MYO3B: variants seen among roughly 807,000 people sequenced by gnomAD.
The protein encoded by MYO3B is myosin IIIB, also known as myosin-IIIb.
MYO3B carries 156 observed loss-of-function variants against 174.6 expected under a neutral mutation model. The observed-to-expected ratio is 0.89, with a 90% CI of 0.78 to 1.02. The LOEUF is 1.02. Among genes scored for constraint, MYO3B ranks in the 50% least tolerant of loss-of-function variants. The probability of loss-of-function intolerance (pLI) is 0.00; values close to 1 mark genes in which losing one functional copy is unlikely to be tolerated. For missense variants in MYO3B, 1,632 were observed against 1,639.4 expected (o/e 1.00, Z 0.08); for synonymous variants, 563 against 569.1 (o/e 0.99, Z 0.15).
intron 22 of MYO3B, among the ~76,000 whole-genome samples, chr2:170,422,243 C>G (rs903112066): frequency 6.6e-6 from 1 of 152,110 alleles, no homozygotes; most frequent in Admixed American, 6.6e-5. Flanking sequence ...CACTCTGTTG[C>G]CAAGGCTGGA....
At chr2:170,320,451 A>G (rs1004888924) in intron 7 of MYO3B, among the ~76,000 whole-genome samples, 4 of 152,186 alleles carry the variant, frequency 2.6e-5, no homozygotes, top group Non-Finnish European at 4.4e-5. Context: ...ATTGGTTGCA[A>G]AAGTTATTTA....
rs553713563 is a variant in MYO3B at position 170,295,186 on chromosome 2, G to A, written c.750-40199G>A. Among the ~76,000 whole-genome samples, 5 of 151,382 alleles carry A rather than the reference G, an allele frequency of 3.3e-5. No homozygotes were observed. The South Asian group carries it at 1.0e-3, about 32-fold the overall frequency. ...AGCCATTATGCTTCAAGTGTATCTT[G>A]TAAATGACATGTATTTGGATTTAAA... is the stretch of plus-strand genomic sequence containing the variant. On this transcript the variant is annotated intron_variant, in intron 7 of 34. Coordinates refer to ENST00000408978, the MANE Select transcript of MYO3B (RefSeq NM_138995.5).
At chr2:170,403,748 T>C (rs2094493405) in intron 19 of MYO3B, among the ~76,000 whole-genome samples, 1 of 152,248 alleles carries the variant, frequency 6.6e-6, no homozygotes, top group Non-Finnish European at 1.5e-5. Flanking sequence ...AATACCAGCA[T>C]TGCTTTTATC....
chr2:170,379,204 T>C (rs952642510), intron 9 of MYO3B, among the ~76,000 whole-genome samples: 2 of 151,598 alleles, frequency 1.3e-5, no homozygotes, highest in African/African-American at 2.4e-5. Context: ...ATTTTTTTTT[T>C]TTTTTTTTTG....
intron 7 of MYO3B, among the ~76,000 whole-genome samples, chr2:170,294,512 G>A (rs966188169): frequency 6.6e-6 from 1 of 151,878 alleles, no homozygotes; most frequent in African/African-American, 2.4e-5. Flanking sequence ...GTTATATACT[G>A]TGATTTGTGT....
Position 170,217,344 on chromosome 2 carries a change from A to G in MYO3B, c.552A>G (p.Thr184=), listed in dbSNP as rs189766405. Residue 184 remains threonine, a synonymous_variant, in exon 6 of 35, where the codon ACA becomes ACG. Coordinates refer to ENST00000408978, the MANE Select transcript of MYO3B (RefSeq NM_138995.5). The part of the protein sequence containing the change: ...DFGVSAQLTS[T]RLRRNTSVGT... ...GTGTTTCAGCTCAACTCACCAGTAC[A>G]CGTCTGCGGAGAAACACATCTGTTG... 66 of 1,614,118 alleles carry G rather than the reference A, an allele frequency of 4.1e-5. 1 individual carries two copies. The African/African-American group carries it at 5.9e-4, about 14-fold the overall frequency.
intron 30 of MYO3B, among the ~76,000 whole-genome samples, chr2:170,532,631 C>T (rs1016012329): frequency 6.6e-6 from 1 of 151,714 alleles, no homozygotes; most frequent in African/African-American, 2.4e-5. Context: ...TGACCAACAT[C>T]GTGAAACCCC....
intron 32 of MYO3B, among the ~76,000 whole-genome samples, chr2:170,594,731 A>T (rs1444242357): frequency 6.6e-6 from 1 of 151,892 alleles, no homozygotes; most frequent in East Asian, 1.9e-4. Context: ...TCCCATCTAT[A>T]TTCCAGTCAC....
chr2:170,654,729 CTTG>C lies in MYO3B; in HGVS notation c.*1611_*1613del, dbSNP rs917941320. 1 of 145,782 alleles carries C rather than the reference CTTG, an allele frequency of 6.9e-6. No homozygotes were observed. Among genetic ancestry groups the C allele is most frequent in the African/African-American group, 2.5e-5 (1 of 39,750 alleles). The allele number at this position is 145,782 out of a possible 1,614,324, so 9.0% of individuals were successfully genotyped here. A position where few individuals can be genotyped will look rare whatever the true frequency, so the allele number is the denominator to read the frequency against. On this transcript the variant is annotated 3_prime_UTR_variant, in exon 35 of 35. Coordinates refer to ENST00000408978, the MANE Select transcript of MYO3B (RefSeq NM_138995.5). ...TGAGAGAAATAACCTTGAAGAAAAT[CTTG>C]TTATCAGAGTTTTGAAAGGGAGCAC...
At chr2:170,593,082 G>A (rs1693920981) in intron 32 of MYO3B, among the ~76,000 whole-genome samples, 1 of 152,074 alleles carries the variant, frequency 6.6e-6, no homozygotes, top group Non-Finnish European at 1.5e-5. Context: ...TATAGCGAGA[G>A]GAGGAGATAG....
At chr2:170,324,786 C>A (rs925901424) in intron 7 of MYO3B, among the ~76,000 whole-genome samples, 4 of 152,208 alleles carry the variant, frequency 2.6e-5, no homozygotes, top group Non-Finnish European at 5.9e-5. Flanking sequence ...GAGGAAAGAA[C>A]GCTCTTGCAG....
intron 32 of MYO3B, among the ~76,000 whole-genome samples, chr2:170,642,832 C>T (rs1319401233): frequency 6.6e-6 from 1 of 152,076 alleles, no homozygotes; most frequent in Non-Finnish European, 1.5e-5. Flanking sequence ...ATCTGTTAGG[C>T]TCTGAGCATT....
chr2:170,553,776 T>C (rs1691086116), intron 32 of MYO3B, among the ~76,000 whole-genome samples: 1 of 152,178 alleles, frequency 6.6e-6, no homozygotes, highest in Non-Finnish European at 1.5e-5. Context: ...CATGTTGAAT[T>C]GTAATCCCCA....
At chr2:170,573,159 A>G (rs954709320) in intron 32 of MYO3B, among the ~76,000 whole-genome samples, 3 of 151,542 alleles carry the variant, frequency 2.0e-5, no homozygotes, top group African/African-American at 4.8e-5. Flanking sequence ...GATACTATAT[A>G]TATATATACA....
At chr2:170,297,381 G>C (rs960372245) in intron 7 of MYO3B, among the ~76,000 whole-genome samples, 1 of 152,032 alleles carries the variant, frequency 6.6e-6, no homozygotes, top group African/African-American at 2.4e-5. Flanking sequence ...AAAGAGTTGA[G>C]CTAAATTATA....
In MYO3B at chr2:170,206,166, G is replaced by T. The variant is rs1356936073; in HGVS notation, c.321+5882G>T. ...TCATTCTTTCATGCCCCCTACATTTGCACAAGATGTCCCCATGTTCCTTTT... is the reference window on the plus strand; with the variant it reads ...TCATTCTTTCATGCCCCCTACATTTTCACAAGATGTCCCCATGTTCCTTTT... On this transcript the variant is annotated intron_variant, in intron 3 of 34. Transcript: ENST00000408978. The surrounding 1 kb of genome is among the most constrained non-coding windows in gnomAD (Gnocchi z 4.3). 1.3e-5 allele frequency among the ~76,000 whole-genome samples: 2 copies of T among 151,794 alleles called. No individual in the cohort carries two copies. The highest frequency in any genetic ancestry group is 4.8e-5 in the African/African-American group (2 of 41,298).
Position 170,345,481 on chromosome 2 carries a change from A to G in MYO3B, c.815+10031A>G, listed in dbSNP as rs1039278620. Among the ~76,000 whole-genome samples the G allele has an allele frequency of 3.9e-5, 6 of 152,140 alleles. No homozygotes were observed. The South Asian group carries it at 8.3e-4, about 21-fold the overall frequency. On this transcript the variant is annotated intron_variant, in intron 8 of 34. Transcript: ENST00000408978. ...GTTAGTGAATGGAGGGGGAAATTTCATAATTTATTTTTAGTATGAAGGGCT... is the reference window on the plus strand; with the variant it reads ...GTTAGTGAATGGAGGGGGAAATTTCGTAATTTATTTTTAGTATGAAGGGCT...
intron 7 of MYO3B, among the ~76,000 whole-genome samples, chr2:170,327,446 T>C (rs2093877246): frequency 7.3e-6 from 1 of 136,696 alleles, no homozygotes; most frequent in Non-Finnish European, 1.7e-5. Flanking sequence ...CTTTTCTCCT[T>C]ACTACCTTTG....
chr2:170,418,239 G>A (rs1414411110), intron 22 of MYO3B, among the ~76,000 whole-genome samples: 4 of 152,180 alleles, frequency 2.6e-5, no homozygotes, highest in Non-Finnish European at 5.9e-5. Context: ...TGGCTTGCAG[G>A]GCAGAGGCGG....
Sources: allele counts gnomAD v4.1 joint callset (sites outside exome capture counted in the v4.1 genomes callset), GRCh38; gene constraint gnomAD v4.1.1; non-coding constraint Gnocchi (gnomAD v3.1); transcripts MANE v1.5; gene names NCBI Gene and HGNC (gene_info 2026-07-23, HGNC 2026-07-21).